Variants in KCNN2 observed in about 807,000 individuals in gnomAD.
KCNN2 encodes the protein small conductance calcium-activated potassium channel protein 2.
A neutral mutation model predicts 55.5 loss-of-function variants in KCNN2; 24 were observed. The observed-to-expected ratio is 0.43, with a 90% confidence interval of 0.31 to 0.61. KCNN2 has a LOEUF of 0.61. KCNN2 is among the 20% of genes least tolerant of loss of function. The pLI is 0.08. For synonymous variants in KCNN2, 431 were observed against 336.1 expected (o/e 1.28, Z -3.09); for missense variants, 754 against 853.6 (o/e 0.88, Z 1.45).
intron 1 of KCNN2, among the ~76,000 whole-genome samples, chr5:114,179,455 T>G (rs1282673685): frequency 6.6e-6 from 1 of 152,188 alleles, no homozygotes; most frequent in Admixed American, 6.5e-5. Flanking sequence ...CTCATTGTGC[T>G]TTCAATCAAA....
intron 4 of KCNN2, among the ~76,000 whole-genome samples, chr5:114,465,508 A>G (rs1761403004): frequency 6.6e-6 from 1 of 152,090 alleles, no homozygotes; most frequent in Admixed American, 6.6e-5. Context: ...GCTATTCAGG[A>G]GGCTGAGGCA....
At chr5:114,306,786 C>T (rs1204242321) in intron 2 of KCNN2, among the ~76,000 whole-genome samples, 5 of 151,092 alleles carry the variant, frequency 3.3e-5, no homozygotes, top group South Asian at 4.2e-4. Flanking sequence ...CTGCAACTTC[C>T]GCCTCCCAGA....
intron 3 of KCNN2, among the ~76,000 whole-genome samples, chr5:114,451,791 GGAGGCT>G (rs1261153994): frequency 6.6e-6 from 1 of 151,872 alleles, no homozygotes; most frequent in Non-Finnish European, 1.5e-5. Context: ...CAGCTACTTG[GGAGGCT>G]GAGGCAGCAG....
rs1320484176 is a variant in KCNN2 at position 114,468,872 on chromosome 5, G to GA, written c.1780-4181dup. Among the ~76,000 whole-genome samples, 3 of 152,086 alleles carry GA rather than the reference G, an allele frequency of 2.0e-5. No homozygotes were observed. In the East Asian group the frequency reaches 5.8e-4, roughly 29 times the overall value. Reference sequence around the variant, plus strand: ...TGATCCCAAAATGGTTTTTCAAAATGATTCTTGGAAGTATTTGCAGGATCA... The same window carrying GA: ...TGATCCCAAAATGGTTTTTCAAAATGAATTCTTGGAAGTATTTGCAGGATCA... On this transcript the variant is annotated intron_variant, in intron 4 of 7. Coordinates refer to ENST00000673685, the MANE Select transcript of KCNN2 (RefSeq NM_021614.4).
intron 1 of KCNN2, among the ~76,000 whole-genome samples, chr5:114,203,037 C>T (rs1357944515): frequency 1.3e-5 from 2 of 152,244 alleles, no homozygotes; most frequent in Non-Finnish European, 2.9e-5. Flanking sequence ...CCAATTTTGG[C>T]TGTGAAGGAA....
intron 2 of KCNN2, among the ~76,000 whole-genome samples, chr5:114,367,784 T>A (rs781587453): frequency 1.3e-5 from 2 of 152,292 alleles, no homozygotes; most frequent in Admixed American, 1.3e-4. Flanking sequence ...ACTGCATCTT[T>A]TCAGCTTTAG....
rs532827744 is a variant in KCNN2, at chr5:114,431,997, AAT to A, written c.1637+27144_1637+27145del. 5.4e-3 allele frequency among the ~76,000 whole-genome samples: 819 copies of A among 152,300 alleles called. 5 individuals carry two copies. Among genetic ancestry groups the A allele is most frequent in the Non-Finnish European group, 6.5e-3 (444 of 68,016 alleles). ...TTTTAAGTTATCTTTCAGGGCCCAG[AAT>A]ATGTCTATTTTAGTGAATATGTGTG... is the stretch of plus-strand genomic sequence containing the variant. On this transcript the variant is annotated intron_variant, in intron 3 of 7. Coordinates refer to ENST00000673685, the MANE Select transcript of KCNN2 (RefSeq NM_021614.4).
At chr5:114,235,704 A>G (rs946644069) in intron 2 of KCNN2, among the ~76,000 whole-genome samples, 2 of 152,202 alleles carry the variant, frequency 1.3e-5, no homozygotes, top group South Asian at 2.1e-4. Context: ...CTAGTACACA[A>G]TGTAGCTTGC....
intron 2 of KCNN2, among the ~76,000 whole-genome samples, chr5:114,290,990 G>T (rs868733441): frequency 1.3e-5 from 2 of 151,994 alleles, no homozygotes; most frequent in Admixed American, 1.3e-4. Flanking sequence ...CTTGTTTGGC[G>T]GCCTGACATA....
intron 2 of KCNN2, among the ~76,000 whole-genome samples, chr5:114,235,634 G>A (rs1264816464): frequency 1.3e-5 from 2 of 152,146 alleles, no homozygotes; most frequent in African/African-American, 4.8e-5. Context: ...TGGGTGAACA[G>A]GTTTAAGAAA....
At chr5:114,395,988 G>C (rs1247336559) in intron 2 of KCNN2, among the ~76,000 whole-genome samples, 1 of 152,158 alleles carries the variant, frequency 6.6e-6, no homozygotes, top group African/African-American at 2.4e-5. Context: ...CTTCTCTTCT[G>C]AGTGACCTGC....
At chr5:114,343,930 T>A (rs1236321872) in intron 2 of KCNN2, among the ~76,000 whole-genome samples, 3 of 152,210 alleles carry the variant, frequency 2.0e-5, no homozygotes, top group African/African-American at 7.2e-5. Context: ...CTTCCTCGCC[T>A]ATACCTGGAG....
intron 1 of KCNN2, among the ~76,000 whole-genome samples, chr5:114,139,041 T>C (rs1001872614): frequency 5.3e-5 from 8 of 152,272 alleles, no homozygotes; most frequent in Admixed American, 4.6e-4. Context: ...ATCTATTTTA[T>C]ATGCTTTTCT....
chr5:114,276,124 T>G (rs534155887), intron 2 of KCNN2, among the ~76,000 whole-genome samples: 3 of 152,340 alleles, frequency 2.0e-5, no homozygotes, highest in South Asian at 4.1e-4. Context: ...TCAGTTTCCA[T>G]GTAGTTGTGC....
intron 2 of KCNN2, among the ~76,000 whole-genome samples, chr5:114,384,989 G>A (rs1467005923): frequency 6.6e-6 from 1 of 152,180 alleles, no homozygotes; most frequent in Non-Finnish European, 1.5e-5. Flanking sequence ...TACATGTACA[G>A]ATCTGTCCCT....
chr5:114,423,141 G>T (rs1355549743), intron 3 of KCNN2, among the ~76,000 whole-genome samples: 5 of 152,154 alleles, frequency 3.3e-5, no homozygotes, highest in African/African-American at 1.2e-4. Context: ...TTGACTCCTT[G>T]AGGGCAGGGA....
At chr5:114,324,830 T>C (rs1292798390) in intron 2 of KCNN2, among the ~76,000 whole-genome samples, 1 of 152,192 alleles carries the variant, frequency 6.6e-6, no homozygotes, top group Admixed American at 6.5e-5. Flanking sequence ...AGATTGCCTT[T>C]CACAGGCTGT....
At chr5:114,450,785 G>C (rs1760638546) in intron 3 of KCNN2, among the ~76,000 whole-genome samples, 1 of 152,130 alleles carries the variant, frequency 6.6e-6, no homozygotes, top group Admixed American at 6.5e-5. Flanking sequence ...CCTTGGGCCA[G>C]GGATGCTGTG....
At chr5:114,406,106 A>G (rs1758925062) in intron 3 of KCNN2, among the ~76,000 whole-genome samples, 1 of 151,560 alleles carries the variant, frequency 6.6e-6, no homozygotes, top group South Asian at 2.1e-4. Flanking sequence ...GCTGGAAAAA[A>G]AAAAAAAAAA....
Sources: allele counts gnomAD v4.1 joint callset (sites outside exome capture counted in the v4.1 genomes callset), GRCh38; gene constraint gnomAD v4.1.1; transcripts MANE v1.5; gene names NCBI Gene and HGNC (gene_info 2026-07-23, HGNC 2026-07-21).